Variants in AMBRA1 observed in about 807,000 individuals in gnomAD.
AMBRA1 encodes activating molecule in BECN1-regulated autophagy protein 1.
AMBRA1 carries 47 observed loss-of-function variants against 125.4 expected under a neutral mutation model. The observed-to-expected ratio is 0.37, with a 90% CI of 0.30 to 0.48. The LOEUF is 0.48. Ranked by LOEUF, AMBRA1 falls within the 20% of genes least tolerant of loss-of-function variation. The probability of loss-of-function intolerance (pLI) is 0.99; values close to 1 mark genes in which losing one functional copy is unlikely to be tolerated. For missense variants in AMBRA1, 1,331 were observed against 1,693.4 expected (o/e 0.79, Z 3.76); for synonymous variants, 626 against 655.5 (o/e 0.95, Z 0.69).
intron 13 of AMBRA1, among the ~76,000 whole-genome samples, chr11:46,434,134 A>AAAAG (rs1384253731): frequency 2.6e-5 from 4 of 151,366 alleles, no homozygotes; most frequent in East Asian, 1.9e-4. Context: ...AAAAAAAAAA[A>AAAAG]AAAGAAAGAA....
chr11:46,584,430 G>C (rs1457168606), intron 1 of AMBRA1, among the ~76,000 whole-genome samples: 1 of 148,936 alleles, frequency 6.7e-6, no homozygotes, highest in African/African-American at 2.5e-5. Context: ...GCTAAATGAC[G>C]AGTTAGTGGG....
At chr11:46,414,119 C>T (rs189531383) in intron 15 of AMBRA1, among the ~76,000 whole-genome samples, 1 of 152,320 alleles carries the variant, frequency 6.6e-6, no homozygotes, top group African/African-American at 2.4e-5. Flanking sequence ...CTCAGTGTCA[C>T]GATGCTCTCT....
chr11:46,550,109 G>A (rs763119185), intron 1 of AMBRA1, among the ~76,000 whole-genome samples: 6 of 152,190 alleles, frequency 3.9e-5, no homozygotes, highest in Non-Finnish European at 5.9e-5. Context: ...GTGAGCTACT[G>A]CACCCAGCCG....
chr11:46,568,034 G>C (rs1184604123), intron 1 of AMBRA1, among the ~76,000 whole-genome samples: 2 of 151,920 alleles, frequency 1.3e-5, no homozygotes, highest in Non-Finnish European at 2.9e-5. Flanking sequence ...TGTAATTCCA[G>C]ATACTTGGCA....
At position 46,409,209 on chromosome 11, in the gene AMBRA1, C is replaced by CT. The variant is rs750273261; in HGVS notation, c.3210-504dup. ...ACTTTGGAAGGAAAGAACTGGAACTCTTTTTTTTTTTTTGGTGAGACAGTC... is the reference window on the plus strand; with the variant it reads ...ACTTTGGAAGGAAAGAACTGGAACTCTTTTTTTTTTTTTTGGTGAGACAGTC... On this transcript the variant is annotated intron_variant, in intron 16 of 17. Transcript: ENST00000683756. Among the ~76,000 whole-genome samples the CT allele has an allele frequency of 5.8e-3, 843 of 145,496 alleles. 2 individuals are homozygous for CT. The highest frequency in any genetic ancestry group is 0.016 in the African/African-American group (623 of 39,926).
At chr11:46,507,694 C>T (rs982427171) in intron 9 of AMBRA1, among the ~76,000 whole-genome samples, 1 of 152,208 alleles carries the variant, frequency 6.6e-6, no homozygotes, top group Non-Finnish European at 1.5e-5. Flanking sequence ...AAAGTTTAGG[C>T]AATGGAGTAG....
intron 11 of AMBRA1, among the ~76,000 whole-genome samples, chr11:46,476,115 A>G (rs1448815029): frequency 6.6e-6 from 1 of 152,162 alleles, no homozygotes; most frequent in African/African-American, 2.4e-5. Context: ...CCAAACCTCC[A>G]ACACACAGTA....
intron 14 of AMBRA1, among the ~76,000 whole-genome samples, chr11:46,420,558 T>C (rs947115639): frequency 6.6e-6 from 1 of 152,250 alleles, no homozygotes; most frequent in Non-Finnish European, 1.5e-5. Flanking sequence ...ATGGTTTCTG[T>C]CCAACCTATA....
At chr11:46,572,112 C>T (rs2043785147) in intron 1 of AMBRA1, among the ~76,000 whole-genome samples, 1 of 152,076 alleles carries the variant, frequency 6.6e-6, no homozygotes, top group African/African-American at 2.4e-5. Flanking sequence ...ACCATCCTGG[C>T]CAACATGATG....
intron 1 of AMBRA1, among the ~76,000 whole-genome samples, chr11:46,583,806 A>T (rs2044270056): frequency 6.6e-6 from 1 of 151,232 alleles, no homozygotes; most frequent in Non-Finnish European, 1.5e-5. Flanking sequence ...AGAAATGCAA[A>T]TCAAAACCAT....
At chr11:46,527,953 G>A (rs1952050418) in intron 7 of AMBRA1, among the ~76,000 whole-genome samples, 1 of 152,030 alleles carries the variant, frequency 6.6e-6, no homozygotes, top group African/African-American at 2.4e-5. Context: ...TTCCACTTCT[G>A]GTTATGTATC....
chr11:46,412,687 G>A (rs1946351027), intron 15 of AMBRA1, among the ~76,000 whole-genome samples: 1 of 152,134 alleles, frequency 6.6e-6, no homozygotes, highest in African/African-American at 2.4e-5. Flanking sequence ...GATACCAAGG[G>A]CCAACTGTTT....
At chr11:46,416,204 T>C (rs1946540516) in intron 15 of AMBRA1, among the ~76,000 whole-genome samples, 1 of 152,190 alleles carries the variant, frequency 6.6e-6, no homozygotes, top group Non-Finnish European at 1.5e-5. Context: ...TAGATTTCTC[T>C]TATGAACTGT....
At chr11:46,439,035 C>G (rs190785281) in intron 12 of AMBRA1, among the ~76,000 whole-genome samples, 14 of 152,180 alleles carry the variant, frequency 9.2e-5, no homozygotes, top group Admixed American at 9.2e-4. Context: ...CTACGGGAGG[C>G]CAAGGCAGGG....
At chr11:46,459,739 T>TACACACACACATACAC (rs1949016192) in intron 11 of AMBRA1, among the ~76,000 whole-genome samples, 1 of 110,240 alleles carries the variant, frequency 9.1e-6, no homozygotes, top group Non-Finnish European at 2.2e-5. Flanking sequence ...AAAATACACA[T>TACACACACACATACAC]ACACACACAC....
At chr11:46,559,157 G>A (rs981735655) in intron 1 of AMBRA1, among the ~76,000 whole-genome samples, 18 of 152,024 alleles carry the variant, frequency 1.2e-4, no homozygotes, top group Non-Finnish European at 2.5e-4. Flanking sequence ...AAAATTAGAT[G>A]GGCGTGGTGG....
At chr11:46,477,931 C>CT (rs2136907841) in intron 11 of AMBRA1, among the ~76,000 whole-genome samples, 1 of 151,596 alleles carries the variant, frequency 6.6e-6, no homozygotes, top group East Asian at 1.9e-4. Context: ...CAAAAATTAG[C>CT]CAGAGCTAAT....
rs60890473 is a variant in AMBRA1, at chr11:46,438,538, T to C, written c.2633-3501A>G. Among the ~76,000 whole-genome samples, 300 of 152,326 alleles carry C rather than the reference T, an allele frequency of 2.0e-3. 2 individuals carry two copies. The highest frequency in any genetic ancestry group is 6.9e-3 in the African/African-American group (289 of 41,584). ...CTTTGCAAATGCATTAGATACCGAT[T>C]TGGAAAACCCAAGGGGGGTTAAATC... On this transcript the variant is annotated intron_variant, in intron 12 of 17. Coordinates refer to ENST00000683756, the MANE Select transcript of AMBRA1 (RefSeq NM_001387011.1).
chr11:46,483,093 G>A (rs985142473), intron 11 of AMBRA1, among the ~76,000 whole-genome samples: 4 of 151,816 alleles, frequency 2.6e-5, no homozygotes, highest in African/African-American at 9.7e-5. Flanking sequence ...CACAGCTCAA[G>A]ACAGTAGAAG....
Sources: allele counts gnomAD v4.1 joint callset (sites outside exome capture counted in the v4.1 genomes callset), GRCh38; gene constraint gnomAD v4.1.1; transcripts MANE v1.5; gene names NCBI Gene and HGNC (gene_info 2026-07-23, HGNC 2026-07-21).